PRELID2: variants seen among roughly 807,000 people sequenced by gnomAD.
PRELID2 encodes the protein PRELI domain-containing protein 2.
PRELID2 carries 25 observed loss-of-function variants against 28.4 expected under a neutral mutation model. The observed-to-expected ratio is 0.88, with a 90% CI of 0.64 to 1.23. PRELID2 has a LOEUF of 1.23. Ranked by LOEUF, PRELID2 falls within the 50% of genes most tolerant of loss-of-function variation. The probability of loss-of-function intolerance (pLI) is 0.00; values close to 1 mark genes in which losing one functional copy is unlikely to be tolerated. For synonymous variants in PRELID2, 76 were observed against 71.6 expected (o/e 1.06, Z -0.31); for missense variants, 201 against 214.4 (o/e 0.94, Z 0.39).
chr5:145,615,452 G>A (rs1356066426), intron 1 of PRELID2, among the ~76,000 whole-genome samples: 2 of 139,544 alleles, frequency 1.4e-5, no homozygotes, highest in African/African-American at 2.9e-5. Flanking sequence ...TCAGCCTCCC[G>A]AGTAGCTGGG....
intron 1 of PRELID2, among the ~76,000 whole-genome samples, chr5:145,719,434 C>A (rs1229154980): frequency 2.7e-5 from 4 of 150,770 alleles, no homozygotes; most frequent in African/African-American, 7.3e-5. Flanking sequence ...GTAAAAGAAA[C>A]AAAATCCTAC....
chr5:145,590,867 G>A (rs528402917), intron 1 of PRELID2, among the ~76,000 whole-genome samples: 200 of 152,292 alleles, frequency 1.3e-3, no homozygotes, highest in African/African-American at 4.5e-3. Flanking sequence ...CAGTAAGATA[G>A]AATGGACACT....
At chr5:145,286,130 A>G in the PRELID2 span, among the ~76,000 whole-genome samples, 101 of 152,320 alleles carry the variant, frequency 6.6e-4, no homozygotes, top group African/African-American at 2.3e-3. Context: ...AGTGATTTAC[A>G]TCTGCTAATT....
intron 1 of PRELID2, among the ~76,000 whole-genome samples, chr5:145,569,851 T>C (rs1753001953): frequency 6.6e-6 from 1 of 152,172 alleles, no homozygotes; most frequent in African/African-American, 2.4e-5. Context: ...CGATTGTGAA[T>C]TTTGTAAGTC....
the PRELID2 span, among the ~76,000 whole-genome samples, chr5:145,465,351 C>T: frequency 6.6e-6 from 1 of 152,052 alleles, no homozygotes; most frequent in Non-Finnish European, 1.5e-5. Flanking sequence ...ATCCAAAAGT[C>T]AATAATGATA....
At chr5:145,620,742 G>A (rs990879862) in intron 1 of PRELID2, among the ~76,000 whole-genome samples, 1 of 70,594 alleles carries the variant, frequency 1.4e-5, no homozygotes, top group Non-Finnish European at 2.7e-5. Context: ...GGGTGGCTAA[G>A]GTGGGAGAAT....
the PRELID2 span, among the ~76,000 whole-genome samples, chr5:145,351,856 C>T: frequency 1.3e-5 from 2 of 152,100 alleles, no homozygotes; most frequent in Non-Finnish European, 2.9e-5. Flanking sequence ...GGTTACATGC[C>T]CCTTGAAGTC....
chr5:145,466,612 T>C, the PRELID2 span, among the ~76,000 whole-genome samples: 1 of 152,182 alleles, frequency 6.6e-6, no homozygotes, highest in Non-Finnish European at 1.5e-5. Context: ...AAATTTCCAT[T>C]TTATTTTGAT....
chr5:145,272,033 G>C, the PRELID2 span, among the ~76,000 whole-genome samples: 2 of 152,046 alleles, frequency 1.3e-5, no homozygotes, highest in East Asian at 3.9e-4. Flanking sequence ...ATTTGGTGTG[G>C]AAGTCTTGGA....
chr5:145,428,952 A>T, the PRELID2 span, among the ~76,000 whole-genome samples: 1 of 152,214 alleles, frequency 6.6e-6, no homozygotes, highest in South Asian at 2.1e-4. Context: ...AAGTCCAAAG[A>T]GGAGTAGGGA....
chr5:145,819,999 G>C lies in PRELID2; in HGVS notation c.153C>G (p.Ile51Met). The C allele has an allele frequency of 1.2e-6, 2 of 1,601,992 alleles. No homozygotes were observed. Among genetic ancestry groups the C allele is most frequent in the South Asian group, 1.1e-5 (1 of 88,374 alleles). The change falls in exon 3 of 7, where the codon ATC becomes ATG. Residue 51 changes from isoleucine (I) to methionine (M), a missense_variant. Ile to Met is a conservative substitution (Grantham distance 10, BLOSUM62 1). Coordinates refer to ENST00000683046, the MANE Select transcript of PRELID2 (RefSeq NM_205846.3). Reference protein sequence around the residue: ...EEKRDESTGVIYRKRIAICQN... With the variant: ...EEKRDESTGVMYRKRIAICQN... Reference sequence around the variant, plus strand: ...GACAGATTGCAATCCTCTTTCTGTAGATGACCCCTGTTGATTCATCTAAAA... The same window carrying C: ...GACAGATTGCAATCCTCTTTCTGTACATGACCCCTGTTGATTCATCTAAAA...
intron 1 of PRELID2, among the ~76,000 whole-genome samples, chr5:145,613,310 T>C (rs1321684930): frequency 6.6e-6 from 1 of 152,064 alleles, no homozygotes; most frequent in African/African-American, 2.4e-5. Flanking sequence ...ATTTTTTTAT[T>C]ATACTTTAAG....
chr5:145,309,377 T>C, the PRELID2 span, among the ~76,000 whole-genome samples: 1 of 152,114 alleles, frequency 6.6e-6, no homozygotes. Context: ...TTTGAGGGGC[T>C]GGATTGAAGT....
intron 1 of PRELID2, among the ~76,000 whole-genome samples, chr5:145,833,682 GCCA>G (rs1436357471): frequency 5.1e-4 from 77 of 152,150 alleles, no homozygotes; most frequent in Non-Finnish European, 5.9e-5. Context: ...TGTGACCAGG[GCCA>G]CCGTGTCACC....
intron 1 of PRELID2, among the ~76,000 whole-genome samples, chr5:145,711,746 C>G (rs55824632): frequency 2.7e-5 from 4 of 147,832 alleles, no homozygotes; most frequent in South Asian, 2.2e-4. Context: ...GGTTGGGGGG[C>G]GGGGGCAAGA....
intron 1 of PRELID2, among the ~76,000 whole-genome samples, chr5:145,554,913 A>C (rs1752866971): frequency 6.6e-6 from 1 of 152,226 alleles, no homozygotes; most frequent in African/African-American, 2.4e-5. Flanking sequence ...GAAGAGTTTT[A>C]GGCAATTCAA....
At chr5:145,815,062 G>C (rs1393521478) in intron 4 of PRELID2, among the ~76,000 whole-genome samples, 1 of 152,208 alleles carries the variant, frequency 6.6e-6, no homozygotes, top group African/African-American at 2.4e-5. Context: ...CTAGGAGACT[G>C]AGACTTTGGG....
At chr5:145,790,189 T>C (rs546018675) in intron 5 of PRELID2, among the ~76,000 whole-genome samples, 15 of 152,320 alleles carry the variant, frequency 9.8e-5, no homozygotes, top group African/African-American at 3.6e-4. Flanking sequence ...AAGAGACAGC[T>C]GAACTCTCAT....
chr5:145,458,684 T>C, the PRELID2 span, among the ~76,000 whole-genome samples: 1,571 of 152,272 alleles, frequency 0.01, 29 homozygotes, highest in African/African-American at 0.036. Flanking sequence ...TGAGGTTGAG[T>C]AGAAACCCTG....
Sources: allele counts gnomAD v4.1 joint callset (sites outside exome capture counted in the v4.1 genomes callset), GRCh38; gene constraint gnomAD v4.1.1; transcripts MANE v1.5; gene names NCBI Gene and HGNC (gene_info 2026-07-23, HGNC 2026-07-21).